MBP: variants seen among roughly 807,000 people sequenced by gnomAD.
MBP encodes the protein myelin basic protein, also known as Golli-MBP.
Under a neutral mutation model 35.8 loss-of-function variants are expected in MBP, and 16 were observed. The ratio of observed to expected loss-of-function variants is 0.45; its 90% CI spans 0.30 to 0.68. The LOEUF is 0.68. Ranked by LOEUF, MBP falls within the 30% of genes least tolerant of loss-of-function variation. The pLI is 0.08. For missense variants in MBP, 380 were observed against 404.7 expected (o/e 0.94, Z 0.52); for synonymous variants, 143 against 159.6 (o/e 0.90, Z 0.78).
chr18:77,030,561 G>A (rs1972504432), intron 3 of MBP, among the ~76,000 whole-genome samples: 1 of 152,166 alleles, frequency 6.6e-6, no homozygotes, highest in Admixed American at 6.5e-5. Flanking sequence ...GCTTTAGGAA[G>A]TATTTTCCAA....
At chr18:77,001,704 G>C (rs934942031) in intron 4 of MBP, among the ~76,000 whole-genome samples, 1 of 152,128 alleles carries the variant, frequency 6.6e-6, no homozygotes, top group Non-Finnish European at 1.5e-5. Flanking sequence ...ACGAGAATTA[G>C]CTGGGCGTGG....
chr18:77,069,774 G>A (rs549987124), intron 2 of MBP, among the ~76,000 whole-genome samples: 70 of 152,304 alleles, frequency 4.6e-4, no homozygotes, highest in African/African-American at 1.6e-3. Flanking sequence ...GCCAGCTTGT[G>A]CACACGTTGG....
intron 4 of MBP, among the ~76,000 whole-genome samples, chr18:77,001,738 T>A (rs1268121580): frequency 6.6e-6 from 1 of 152,028 alleles, no homozygotes; most frequent in African/African-American, 2.4e-5. Context: ...TAATCCCAGC[T>A]ACTTGGGAGG....
intron 1 of MBP, among the ~76,000 whole-genome samples, chr18:77,128,521 C>CCACACACACACA (rs56770189): frequency 0.015 from 2,254 of 147,706 alleles, 50 homozygotes; most frequent in African/African-American, 0.052. Flanking sequence ...CACGTGCATA[C>CCACACACACACA]CACACACACA....
intron 1 of MBP, among the ~76,000 whole-genome samples, chr18:77,128,745 C>T (rs1170514370): frequency 6.6e-6 from 1 of 152,192 alleles, no homozygotes; most frequent in African/African-American, 2.4e-5. Context: ...TACTACATTG[C>T]TTCAGTGAAT....
chr18:77,115,137 T>C (rs1464822198), intron 1 of MBP: 2 of 152,230 alleles, frequency 1.3e-5, no homozygotes, highest in Admixed American at 1.3e-4. Flanking sequence ...TCCTGAGCCG[T>C]GGCAGGGAGT....
chr18:77,069,880 G>A (rs953447417), intron 2 of MBP, among the ~76,000 whole-genome samples: 1 of 152,114 alleles, frequency 6.6e-6, no homozygotes, highest in Non-Finnish European at 1.5e-5. Context: ...CTCCAAATCC[G>A]CCTTTTTCTC....
intron 3 of MBP, among the ~76,000 whole-genome samples, chr18:77,034,838 C>G (rs1488811771): frequency 6.6e-6 from 1 of 152,060 alleles, no homozygotes; most frequent in Non-Finnish European, 1.5e-5. Flanking sequence ...CCTCTTTGTA[C>G]CATTTGCTCC....
intron 7 of MBP, chr18:76,987,141 C>G: frequency 3.0e-6 from 3 of 985,466 alleles, no homozygotes; most frequent in Non-Finnish European, 3.6e-6. Context: ...TGTGTGCAAC[C>G]CCCCATCGCT....
At chr18:77,090,882 GA>G (rs1395105774) in intron 2 of MBP, among the ~76,000 whole-genome samples, 1 of 152,154 alleles carries the variant, frequency 6.6e-6, no homozygotes, top group Non-Finnish European at 1.5e-5. Context: ...GAGAAGGGGC[GA>G]CCTCACACAG....
At position 76,980,354 on chromosome 18, in the gene MBP, G is replaced by T; in HGVS notation, c.*73C>A. ...TCATCTGCTCTAATTAGGTAACAGG[G>T]GCAAGTGGGATTAAAGTTTTAAGGC... On this transcript the variant is annotated 3_prime_UTR_variant, in exon 9 of 9. Coordinates refer to ENST00000355994, the MANE Select transcript of MBP (RefSeq NM_001025101.2). 1 of 1,376,766 alleles carries T rather than the reference G, an allele frequency of 7.3e-7. No homozygotes were observed. The allele number at this position is 1,376,766 out of a possible 1,614,324, so 85.3% of individuals were successfully genotyped here.
In MBP at chr18:76,988,845, T is replaced by C. The variant is rs1969723779; in HGVS notation, c.717+32A>G. 1 of 1,602,180 alleles carries C rather than the reference T, an allele frequency of 6.2e-7. No individual in the cohort carries two copies. Among genetic ancestry groups the C allele is most frequent in the Admixed American group, 1.7e-5 (1 of 59,146 alleles). ...TTTTAGAGAAGGTCTATCAGAAAAG[T>C]GATGATCAATCAAAACATTCCAAGG... is the stretch of plus-strand genomic sequence containing the variant. On this transcript the variant is annotated intron_variant, in intron 6 of 8. Coordinates refer to ENST00000355994, the MANE Select transcript of MBP (RefSeq NM_001025101.2). The surrounding 1 kb of genome is among the most constrained non-coding windows in gnomAD (Gnocchi z 5.2).
chr18:76,998,479 C>G (rs576352649), intron 4 of MBP, among the ~76,000 whole-genome samples: 2 of 152,244 alleles, frequency 1.3e-5, no homozygotes, highest in East Asian at 3.9e-4. Flanking sequence ...TTGAAGTGAC[C>G]CAGGCTCCCC....
intron 4 of MBP, chr18:77,015,876 C>A (rs1366466005): frequency 5.1e-6 from 5 of 985,350 alleles, no homozygotes; most frequent in Admixed American, 1.2e-4. Context: ...CCCACAAGGC[C>A]TTCTGGAATT....
chr18:77,029,276 C>T (rs1411551011), intron 3 of MBP, among the ~76,000 whole-genome samples: 35 of 149,672 alleles, frequency 2.3e-4, no homozygotes, highest in African/African-American at 6.1e-4. Context: ...TCAGGCGTGG[C>T]GGCGCGCGCC....
At chr18:77,052,735 C>T (rs1190383088) in intron 3 of MBP, among the ~76,000 whole-genome samples, 1 of 152,194 alleles carries the variant, frequency 6.6e-6, no homozygotes, top group African/African-American at 2.4e-5. Context: ...CACGGGAACA[C>T]AGCCACTATC....
Position 76,989,504 on chromosome 18 carries a change from G to A in MBP, c.681+452C>T, listed in dbSNP as rs1054579003. 6.6e-6 allele frequency among the ~76,000 whole-genome samples: 1 copy of A among 152,054 alleles called. No homozygotes were observed. Among genetic ancestry groups the A allele is most frequent in the East Asian group, 1.9e-4 (1 of 5,188 alleles). On this transcript the variant is annotated intron_variant, in intron 5 of 8. Transcript: ENST00000355994. This position sits in a 1 kb window ranked among gnomAD's most constrained non-coding sequence, Gnocchi z 4.0. ...AGCAACACTGCCTTAGGGCTCTCTC[G>A]GTGCTGTGCACGCTGTGGGTTTGGA...
intron 4 of MBP, among the ~76,000 whole-genome samples, chr18:76,997,928 C>T (rs1333812691): frequency 3.9e-5 from 6 of 152,238 alleles, no homozygotes; most frequent in Admixed American, 3.3e-4. Context: ...GTGATCCGCC[C>T]GCCTCGGCCT....
rs557102898 is a variant in MBP at position 77,031,258 on chromosome 18, T to C, written c.140-13990A>G. Among the ~76,000 whole-genome samples the C allele has an allele frequency of 5.9e-5, 9 of 152,314 alleles. No homozygotes were observed. The South Asian group carries it at 1.0e-3, about 18-fold the overall frequency. On this transcript the variant is annotated intron_variant, in intron 3 of 8. Transcript: ENST00000355994. ...TGGTGGTGAGACGTTTTGGAGTTGT[T>C]ACAATTGGCTTTTTACCTAAAGCAG...
Sources: gnomAD v4.1 joint callset for allele counts (sites outside exome capture counted in the v4.1 genomes callset) on GRCh38, gnomAD v4.1.1 for gene constraint, Gnocchi (gnomAD v3.1) non-coding constraint, MANE v1.5 for transcripts, NCBI Gene and HGNC (gene_info 2026-07-23, HGNC 2026-07-21) for gene names.